SEC24B: variants seen among roughly 807,000 people sequenced by gnomAD.
SEC24B encodes the protein SEC24 homolog B, COPII component, also known as protein transport protein Sec24B.
Under a neutral mutation model 142.8 loss-of-function variants are expected in SEC24B, and 45 were observed. The observed-to-expected ratio is 0.32, with a 90% CI of 0.25 to 0.40. The LOEUF (loss-of-function observed/expected upper bound fraction) is 0.40. Among genes scored for constraint, SEC24B ranks in the 10% least tolerant of loss-of-function variants. The pLI, the probability that SEC24B is intolerant of heterozygous loss-of-function variation, is 1.00. For missense variants in SEC24B, 1,409 were observed against 1,526.8 expected (o/e 0.92, Z 1.29); for synonymous variants, 574 against 568.2 (o/e 1.01, Z -0.15).
chr4:109,482,936 C>CCATATATA (rs1491567623), intron 4 of SEC24B, among the ~76,000 whole-genome samples: 1 of 34,598 alleles, frequency 2.9e-5, no homozygotes, highest in Non-Finnish European at 6.0e-5. Flanking sequence ...CAGGCTTGTA[C>CCATATATA]TATATATATA....
chr4:109,484,808 C>T (rs1431554491), intron 4 of SEC24B, among the ~76,000 whole-genome samples: 3 of 148,818 alleles, frequency 2.0e-5, no homozygotes, highest in Non-Finnish European at 3.0e-5. Context: ...GCCGAGATCA[C>T]GCCACTGCCC....
Position 109,494,652 on chromosome 4 carries a change from T to C in SEC24B, c.1284T>C (p.Asp428=), listed in dbSNP as rs1369343285. The change falls in exon 6 of 24, where the codon GAT becomes GAC. Residue 428 remains aspartate (D), a synonymous_variant. Transcript: ENST00000265175. ...CATCAGCAAGCAGTCCTGCTCCTGA[T>C]CCCGCCCCTGAACCTGATCCTGCTT... ...LSSSASSPAP[D]PAPEPDPASA... 1 of 1,614,124 alleles carries C rather than the reference T, an allele frequency of 6.2e-7. No homozygotes were observed. Among genetic ancestry groups the C allele is most frequent in the East Asian group, 2.2e-5 (1 of 44,888 alleles).
At position 109,526,989 on chromosome 4, in the gene SEC24B, T is replaced by A. The variant is rs534191965; in HGVS notation, c.2966-333T>A. On this transcript the variant is annotated intron_variant, in intron 17 of 23. Transcript: ENST00000265175. ...ATCCCAGCACTTTGGGAGGCCGAGGTGGGTGGATCACCTGAGGTCAGGAGT... is the reference window on the plus strand; with the variant it reads ...ATCCCAGCACTTTGGGAGGCCGAGGAGGGTGGATCACCTGAGGTCAGGAGT... Among the ~76,000 whole-genome samples, 9 of 151,666 alleles carry A rather than the reference T, an allele frequency of 5.9e-5. No individual in the cohort carries two copies. The South Asian group carries it at 1.5e-3, about 25-fold the overall frequency.
intron 8 of SEC24B, among the ~76,000 whole-genome samples, chr4:109,511,510 G>C (rs1175378172): frequency 6.6e-6 from 1 of 152,200 alleles, no homozygotes; most frequent in Non-Finnish European, 1.5e-5. Flanking sequence ...CCCAAACTAA[G>C]CATAGAGATG....
intron 4 of SEC24B, among the ~76,000 whole-genome samples, chr4:109,483,058 A>T (rs916716904): frequency 3.6e-4 from 49 of 137,274 alleles, no homozygotes; most frequent in East Asian, 1.0e-3. Context: ...TTATGTATTT[A>T]TATATATATA....
chr4:109,445,417 TTTTTTTTTTTTGGA>T (rs1179431095), intron 1 of SEC24B, among the ~76,000 whole-genome samples: 4 of 149,058 alleles, frequency 2.7e-5, no homozygotes, highest in Non-Finnish European at 6.0e-5. Context: ...CTAATTTTTT[TTTTTTTTTTTTGGA>T]TTTTTAGTAG....
At chr4:109,508,075 C>T (rs1160205344) in intron 7 of SEC24B, among the ~76,000 whole-genome samples, 3 of 152,182 alleles carry the variant, frequency 2.0e-5, no homozygotes, top group Non-Finnish European at 4.4e-5. Context: ...AATTTCCCCT[C>T]TTCTTCCACT....
At chr4:109,500,951 G>T (rs560724087) in intron 6 of SEC24B, among the ~76,000 whole-genome samples, 4 of 152,164 alleles carry the variant, frequency 2.6e-5, no homozygotes, top group African/African-American at 9.6e-5. Context: ...GAGCCACCAT[G>T]CCTGGCCAAA....
At chr4:109,514,331 A>C (rs573595303) in intron 10 of SEC24B, among the ~76,000 whole-genome samples, 2 of 152,186 alleles carry the variant, frequency 1.3e-5, no homozygotes, top group Admixed American at 6.5e-5. Context: ...TCTTCTTTTC[A>C]CTTCAAAAAC....
intron 18 of SEC24B, among the ~76,000 whole-genome samples, chr4:109,528,090 G>A (rs1724460984): frequency 6.6e-6 from 1 of 152,078 alleles, no homozygotes; most frequent in South Asian, 2.1e-4. Context: ...CTGAATAAAA[G>A]AAGCTAGACT....
At chr4:109,443,324 C>T (rs1729107960) in intron 1 of SEC24B, among the ~76,000 whole-genome samples, 1 of 152,128 alleles carries the variant, frequency 6.6e-6, no homozygotes, top group Non-Finnish European at 1.5e-5. Flanking sequence ...AACTTTGTCC[C>T]TCCGATTATC....
At chr4:109,530,118 G>GA (rs1351937886) in intron 18 of SEC24B, among the ~76,000 whole-genome samples, 171 bp from the exon 19 acceptor site, 1 of 152,088 alleles carries the variant, frequency 6.6e-6, no homozygotes, top group Non-Finnish European at 1.5e-5. Context: ...ATTTATTTCA[G>GA]AAAAAAATGT....
intron 14 of SEC24B, among the ~76,000 whole-genome samples, chr4:109,523,975 C>T (rs1471028431): frequency 6.6e-6 from 1 of 152,082 alleles, no homozygotes; most frequent in Non-Finnish European, 1.5e-5. Context: ...GAGAAGGAAG[C>T]TAATTTTAAA....
rs567820107 is a variant in SEC24B at position 109,531,233 on chromosome 4, A to G, written c.3253-152A>G. On this transcript the variant is annotated intron_variant, in intron 19 of 23. Transcript: ENST00000265175. ...GAGCTAGGTAACTTGCTCCAGCATC[A>G]CATACCTATTAAATGTCAGAGCTGA... is the stretch of plus-strand genomic sequence containing the variant. 6.1e-5 allele frequency: 38 copies of G among 625,360 alleles called. No homozygotes were observed. In the African/African-American group the frequency reaches 6.5e-4, roughly 11 times the overall value. 38.7% of individuals were successfully genotyped at this position (625,360 alleles called of 1,614,324 possible).
chr4:109,501,426 T>A lies in SEC24B; in HGVS notation c.1489-4902T>A, dbSNP rs141648229. The stretch of plus-strand genomic sequence containing the variant: ...TACACACACAATTTGTGCATTTGCC[T>A]TAACTATTTCCTTAAGTGGAATTAC... On this transcript the variant is annotated intron_variant, in intron 6 of 23. Coordinates refer to ENST00000265175, the MANE Select transcript of SEC24B (RefSeq NM_006323.5). Among the ~76,000 whole-genome samples the A allele has an allele frequency of 9.6e-4, 146 of 152,376 alleles. 1 individual carries two copies. The highest frequency in any genetic ancestry group is 3.3e-3 in the African/African-American group (138 of 41,588).
intron 1 of SEC24B, among the ~76,000 whole-genome samples, chr4:109,447,220 A>G (rs1279413844): frequency 6.6e-6 from 1 of 152,226 alleles, no homozygotes. Context: ...AAAAAAATTT[A>G]GCATGATAAG....
chr4:109,453,453 CCCCCCCG>C (rs1396143397), intron 1 of SEC24B, among the ~76,000 whole-genome samples: 11 of 122,908 alleles, frequency 8.9e-5, no homozygotes, highest in African/African-American at 3.2e-4. Context: ...CCCCCCCCCC[CCCCCCCG>C]AATGGCTGTT....
At chr4:109,449,632 A>T in intron 1 of SEC24B, 1 of 402,106 alleles carries the variant, frequency 2.5e-6, no homozygotes, top group South Asian at 1.8e-5. Flanking sequence ...CTGTGTGCTC[A>T]CATGGCCTTT....
chr4:109,536,775 C>G (rs1200742895), intron 22 of SEC24B, among the ~76,000 whole-genome samples: 8 of 151,794 alleles, frequency 5.3e-5, no homozygotes, highest in African/African-American at 1.7e-4. Flanking sequence ...GTGATCCCCC[C>G]ACCTCGGCCT....
Sources: allele counts gnomAD v4.1 joint callset (sites outside exome capture counted in the v4.1 genomes callset), GRCh38; gene constraint gnomAD v4.1.1; transcripts MANE v1.5; gene names NCBI Gene and HGNC (gene_info 2026-07-23, HGNC 2026-07-21).